ARHGEF28: variants seen among roughly 807,000 people sequenced by gnomAD.
The protein encoded by ARHGEF28 is 190 kDa guanine nucleotide exchange factor.
A neutral mutation model predicts 206.6 loss-of-function variants in ARHGEF28; 152 were observed. The ratio of observed to expected loss-of-function variants is 0.74; its 90% CI spans 0.64 to 0.84. The LOEUF (loss-of-function observed/expected upper bound fraction) is 0.84. Ranked by LOEUF, ARHGEF28 falls within the 40% of genes least tolerant of loss-of-function variation. The probability of loss-of-function intolerance (pLI) is 0.00; values close to 1 mark genes in which losing one functional copy is unlikely to be tolerated. For synonymous variants in ARHGEF28, 763 were observed against 776.4 expected (o/e 0.98, Z 0.29); for missense variants, 2,028 against 2,073.2 (o/e 0.98, Z 0.42).
chr5:73,915,024 G>A (rs1038286531), intron 35 of ARHGEF28, among the ~76,000 whole-genome samples: 1 of 152,232 alleles, frequency 6.6e-6, no homozygotes, highest in African/African-American at 2.4e-5. Context: ...ATAGGCATGA[G>A]CCACAGTGCC....
chr5:73,679,190 A>G (rs1746907968), intron 1 of ARHGEF28, among the ~76,000 whole-genome samples: 1 of 152,262 alleles, frequency 6.6e-6, no homozygotes, highest in Non-Finnish European at 1.5e-5. Flanking sequence ...ACAGAATGCC[A>G]TGTGAGAGCT....
At position 73,894,498 on chromosome 5, in the gene ARHGEF28, A is replaced by G. The variant is rs1207225685; in HGVS notation, c.3764A>G (p.Glu1255Gly). 3 of 1,613,862 alleles carry G rather than the reference A, an allele frequency of 1.9e-6. No homozygotes were observed. The highest frequency in any genetic ancestry group is 2.5e-6 in the Non-Finnish European group (3 of 1,179,900). The change falls in exon 29 of 36, where the codon GAG becomes GGG. Residue 1255 changes from glutamate (E) to glycine (G), a missense_variant. Glu to Gly is a moderately conservative substitution (Grantham distance 98, BLOSUM62 -2). Around this residue, in one of 3 missense-constraint regions of ARHGEF28, gnomAD observed 803 missense variants for 768.0 expected, o/e 1.05. Transcript: ENST00000513042. ...AGCGGATTTGAGGACGTCCATCTAGAGCCCCACCTCCTTATTAAACCTGAC... is the reference window on the plus strand; with the variant it reads ...AGCGGATTTGAGGACGTCCATCTAGGGCCCCACCTCCTTATTAAACCTGAC... The part of the protein sequence containing the change: ...ELSGFEDVHL[E>G]PHLLIKPDPG...
At position 73,923,087 on chromosome 5, in the gene ARHGEF28, G is replaced by C. The variant is rs868838234; in HGVS notation, c.4948+11512G>C. ...TAATGCGGCCATATTTTGCATTCAG[G>C]CTCCAGTATGACAAAGTGCAGTTGT... On this transcript the variant is annotated intron_variant, in intron 35 of 35. Coordinates refer to ENST00000513042, the MANE Select transcript of ARHGEF28 (RefSeq NM_001177693.2). 7.8e-6 allele frequency: 12 copies of C among 1,535,252 alleles called. No individual in the cohort carries two copies. In the Admixed American group the frequency reaches 1.8e-4, roughly 23 times the overall value.
At chr5:73,857,514 T>G in intron 14 of ARHGEF28, 142 bp from the exon 15 acceptor site, 1 of 810,336 alleles carries the variant, frequency 1.2e-6, no homozygotes, top group South Asian at 2.4e-5. Flanking sequence ...GTTTTTCTCT[T>G]TAGAACAGCC....
At chr5:73,752,328 A>T (rs1270150881) in intron 3 of ARHGEF28, among the ~76,000 whole-genome samples, 1 of 152,076 alleles carries the variant, frequency 6.6e-6, no homozygotes, top group African/African-American at 2.4e-5. Context: ...CAGAGACACT[A>T]TTGTCAGAAG....
At chr5:73,879,863 T>A (rs551813423) in intron 22 of ARHGEF28, among the ~76,000 whole-genome samples, 139 of 152,312 alleles carry the variant, frequency 9.1e-4, no homozygotes, top group East Asian at 4.6e-3. Flanking sequence ...GTTAGGCTGC[T>A]CGGGGGTCAG....
At chr5:73,655,866 C>T (rs1178643336) in intron 1 of ARHGEF28, among the ~76,000 whole-genome samples, 1 of 152,152 alleles carries the variant, frequency 6.6e-6, no homozygotes. Context: ...GAGAACTGAA[C>T]TGTAAAAGGG....
intron 3 of ARHGEF28, 83 bp from the exon 4 acceptor site, chr5:73,752,826 A>G (rs1013180603): frequency 5.4e-6 from 8 of 1,487,370 alleles, no homozygotes; most frequent in South Asian, 1.3e-5. Context: ...TGCTTAAGCT[A>G]TGTGGTGGGG....
chr5:73,914,157 A>G (rs899713705), intron 35 of ARHGEF28, among the ~76,000 whole-genome samples: 1 of 152,180 alleles, frequency 6.6e-6, no homozygotes, highest in Non-Finnish European at 1.5e-5. Context: ...ACCAGTAATT[A>G]TATGACACAT....
chr5:73,693,647 A>C (rs6868499), intron 2 of ARHGEF28, among the ~76,000 whole-genome samples: 2 of 152,078 alleles, frequency 1.3e-5, no homozygotes, highest in Non-Finnish European at 2.9e-5. Flanking sequence ...CTTTGTGCAA[A>C]TTTGTTTTTA....
intron 5 of ARHGEF28, among the ~76,000 whole-genome samples, chr5:73,775,225 CTT>C (rs1753476475): frequency 6.6e-6 from 1 of 152,182 alleles, no homozygotes; most frequent in Admixed American, 6.5e-5. Flanking sequence ...AGCTTTGTAT[CTT>C]TTTACTGTGT....
At chr5:73,741,903 G>C (rs1751455244) in intron 2 of ARHGEF28, among the ~76,000 whole-genome samples, 1 of 152,086 alleles carries the variant, frequency 6.6e-6, no homozygotes, top group African/African-American at 2.4e-5. Flanking sequence ...ATTAGCTATT[G>C]AAAGAGGCCT....
chr5:73,755,824 T>C (rs1752280509), intron 4 of ARHGEF28, among the ~76,000 whole-genome samples: 1 of 152,216 alleles, frequency 6.6e-6, no homozygotes, highest in Admixed American at 6.5e-5. Flanking sequence ...ACATTCTTGT[T>C]TGCCAGGCTT....
At position 73,911,408 on chromosome 5, in the gene ARHGEF28, C is replaced by T. The variant is rs375842528; in HGVS notation, c.4781C>T (p.Pro1594Leu). Residue 1594 changes from proline (P) to leucine (L), a missense_variant, in exon 35 of 36, where the codon CCT (proline) becomes CTT (leucine). Pro to Leu is a moderately conservative substitution (Grantham distance 98, BLOSUM62 -3). Coordinates refer to ENST00000513042, the MANE Select transcript of ARHGEF28 (RefSeq NM_001177693.2). Reference sequence around the variant, plus strand: ...GTTATCCATCAGGATGCCACTTACCCTACAACTCAATCTCATTCTGACTTG... The same window carrying T: ...GTTATCCATCAGGATGCCACTTACCTTACAACTCAATCTCATTCTGACTTG... ...PSVIHQDATY[P>L]TTQSHSDLVR... 1.2e-5 allele frequency: 20 copies of T among 1,613,884 alleles called. No homozygotes were observed. Among genetic ancestry groups the T allele is most frequent in the Non-Finnish European group, 1.4e-5 (17 of 1,179,904 alleles).
intron 1 of ARHGEF28, among the ~76,000 whole-genome samples, chr5:73,677,651 T>G (rs1746791232): frequency 6.6e-6 from 1 of 152,240 alleles, no homozygotes; most frequent in Non-Finnish European, 1.5e-5. Context: ...AAAAGATATT[T>G]GGATATTATG....
At chr5:73,678,785 C>A (rs781746309) in intron 1 of ARHGEF28, among the ~76,000 whole-genome samples, 10 of 151,470 alleles carry the variant, frequency 6.6e-5, no homozygotes, top group African/African-American at 1.2e-4. Flanking sequence ...TCAAAATGTA[C>A]CCTTATCAAG....
At chr5:73,939,087 C>T (rs921857347) in intron 35 of ARHGEF28, among the ~76,000 whole-genome samples, 1 of 152,002 alleles carries the variant, frequency 6.6e-6, no homozygotes. Context: ...ATGAGAAGCA[C>T]GAGAGTCTTG....
intron 9 of ARHGEF28, chr5:73,828,024 A>G (rs1757018075): frequency 6.6e-6 from 1 of 152,214 alleles, no homozygotes; most frequent in African/African-American, 2.4e-5. Context: ...GGACTTTCTG[A>G]CCTAACCCAA....
intron 1 of ARHGEF28, among the ~76,000 whole-genome samples, chr5:73,641,592 A>T (rs942639539): frequency 5.9e-5 from 9 of 152,130 alleles, no homozygotes; most frequent in African/African-American, 1.7e-4. Flanking sequence ...ATATATTTTT[A>T]AAAATTATCG....
Sources: gnomAD v4.1 joint callset for allele counts (sites outside exome capture counted in the v4.1 genomes callset) on GRCh38, gnomAD v4.1.1 for gene constraint, gnomAD v4.1.1 regional missense constraint, MANE v1.5 for transcripts, NCBI Gene and HGNC (gene_info 2026-07-23, HGNC 2026-07-21) for gene names.